Variants in PCNT observed in about 807,000 individuals in gnomAD.
PCNT encodes kendrin.
Under a neutral mutation model 380.4 loss-of-function variants are expected in PCNT, and 319 were observed. The observed-to-expected ratio is 0.84, with a 90% CI of 0.77 to 0.92. The LOEUF (loss-of-function observed/expected upper bound fraction) is 0.92. PCNT is among the 40% of genes least tolerant of loss of function. The probability of loss-of-function intolerance (pLI) is 0.00; values close to 1 mark genes in which losing one functional copy is unlikely to be tolerated. For missense variants in PCNT, 4,400 were observed against 4,255.3 expected (o/e 1.03, Z -0.95); for synonymous variants, 1,845 against 1,735.2 (o/e 1.06, Z -1.57).
chr21:46,370,952 G>A (rs1175856368), intron 15 of PCNT, among the ~76,000 whole-genome samples: 1 of 152,144 alleles, frequency 6.6e-6, no homozygotes, highest in African/African-American at 2.4e-5. Context: ...GGAGAGTGGT[G>A]TGAACCCGGG....
Position 46,432,089 on chromosome 21 carries a change from A to T in PCNT, c.8625A>T (p.Leu2875Phe). 1 of 1,614,150 alleles carries T rather than the reference A, an allele frequency of 6.2e-7. No homozygotes were observed. Among genetic ancestry groups the T allele is most frequent in the Non-Finnish European group, 8.5e-7 (1 of 1,180,048 alleles). Residue 2875 changes from leucine (L) to phenylalanine (F), a missense_variant, in exon 38 of 47, where the codon TTA becomes TTT. Transcript: ENST00000359568. ...REKPAWLQAE[L>F]EQSHPRLKEQ... ...AACCAGCGTGGTTGCAGGCAGAATT[A>T]GAGCAGTCACACCCACGGTTGAAAG...
intron 15 of PCNT, among the ~76,000 whole-genome samples, chr21:46,375,411 C>G (rs1186063966): frequency 6.6e-6 from 1 of 152,218 alleles, no homozygotes; most frequent in Non-Finnish European, 1.5e-5. Context: ...GTGCATGCCA[C>G]TTACTTATGA....
chr21:46,381,287 T>C (rs192741293), intron 15 of PCNT, among the ~76,000 whole-genome samples: 38 of 151,578 alleles, frequency 2.5e-4, no homozygotes, highest in African/African-American at 8.9e-4. Flanking sequence ...GGTTTTGTTA[T>C]TTAGAAAGAA....
In PCNT at chr21:46,372,576, G is replaced by T. The variant is rs77289847; in HGVS notation, c.3165+5437G>T. On this transcript the variant is annotated intron_variant, in intron 15 of 46. Coordinates refer to ENST00000359568, the MANE Select transcript of PCNT (RefSeq NM_006031.6). ...ATTGATAATTTATTTGAAGCATTAT[G>T]TGCAAATTTTAGGTGATTATGGTAC... Among the ~76,000 whole-genome samples, 764 of 152,314 alleles carry T rather than the reference G, an allele frequency of 5.0e-3. 5 individuals carry two copies. Among genetic ancestry groups the T allele is most frequent in the African/African-American group, 0.018 (739 of 41,566 alleles).
At chr21:46,375,674 C>G (rs1478937703) in intron 15 of PCNT, among the ~76,000 whole-genome samples, 1 of 152,150 alleles carries the variant, frequency 6.6e-6, no homozygotes, top group African/African-American at 2.4e-5. Context: ...GAGCCGAGGC[C>G]CTGGGCCTGA....
chr21:46,381,687 T>A lies in PCNT; in HGVS notation c.3166-7T>A. ...CTGGTATTTTTTATTGTTATTGATG[T>A]GTACAGGGTGAATTTGGAAGTGAAA... On this transcript the variant is annotated splice_region_variant and splice_polypyrimidine_tract_variant and intron_variant, in intron 15 of 46. Coordinates refer to ENST00000359568, the MANE Select transcript of PCNT (RefSeq NM_006031.6). The A allele has an allele frequency of 1.9e-6, 3 of 1,612,182 alleles. No homozygotes were observed. Among genetic ancestry groups the A allele is most frequent in the Non-Finnish European group, 2.5e-6 (3 of 1,178,204 alleles).
At chr21:46,422,919 A>C (rs117450470) in intron 32 of PCNT, among the ~76,000 whole-genome samples, 9 of 152,140 alleles carry the variant, frequency 5.9e-5, no homozygotes, top group Admixed American at 5.2e-4. Flanking sequence ...CCATGACGTT[A>C]AGTGAGGACT....
At chr21:46,402,666 T>C (rs2086468484) in intron 27 of PCNT, among the ~76,000 whole-genome samples, 183 bp downstream of exon 27, 1 of 152,122 alleles carries the variant, frequency 6.6e-6, no homozygotes, top group Non-Finnish European at 1.5e-5. Flanking sequence ...GAAGCAGCTT[T>C]CTAGGGATCT....
In PCNT at chr21:46,349,000, C is replaced by A. The variant is rs762143921; in HGVS notation, c.1033-12C>A. 1.3e-6 allele frequency: 2 copies of A among 1,504,308 alleles called. No individual in the cohort carries two copies. The highest frequency in any genetic ancestry group is 1.1e-5 in the South Asian group (1 of 86,978). 93.2% of individuals were successfully genotyped at this position (1,504,308 alleles called of 1,614,324 possible). A position where few individuals can be genotyped will look rare whatever the true frequency, so the allele number is the denominator to read the frequency against. On this transcript the variant is annotated splice_polypyrimidine_tract_variant and intron_variant, in intron 6 of 46. Coordinates refer to ENST00000359568, the MANE Select transcript of PCNT (RefSeq NM_006031.6). The stretch of plus-strand genomic sequence containing the variant: ...CAACTATTGAGTTTAATTTTTTTTT[C>A]TTTTAAATTAGACCCTGAAGGAAGA...
intron 20 of PCNT, 59 bp from the exon 21 acceptor site, chr21:46,391,105 G>A: frequency 6.8e-7 from 1 of 1,473,670 alleles, no homozygotes; most frequent in Non-Finnish European, 9.3e-7. Context: ...CCTCCAAGCA[G>A]GCTCTCCTCA....
chr21:46,371,013 C>T (rs760311891), intron 15 of PCNT, among the ~76,000 whole-genome samples: 5 of 151,724 alleles, frequency 3.3e-5, no homozygotes, highest in Admixed American at 6.6e-5. Context: ...CCAGCCTGGG[C>T]GACAGAGCGA....
rs141538008 is a variant in PCNT, at chr21:46,359,273, C to T, written c.2154+2082C>T. 2.3e-3 allele frequency among the ~76,000 whole-genome samples: 331 copies of T among 145,316 alleles called. 31 individuals are homozygous for T. Among genetic ancestry groups the T allele is most frequent in the African/African-American group, 7.7e-3 (304 of 39,506 alleles). On this transcript the variant is annotated intron_variant, in intron 13 of 46. Coordinates refer to ENST00000359568, the MANE Select transcript of PCNT (RefSeq NM_006031.6). Reference sequence around the variant, plus strand: ...TGGCTCCAGGTGACTTTTTGATGCTCATGTCTTTATGCTTTTCACAGGCCA... The same window carrying T: ...TGGCTCCAGGTGACTTTTTGATGCTTATGTCTTTATGCTTTTCACAGGCCA...
At position 46,398,150 on chromosome 21, in the gene PCNT, A is replaced by C; in HGVS notation, c.4563+20A>C. On this transcript the variant is annotated intron_variant, in intron 23 of 46. Coordinates refer to ENST00000359568, the MANE Select transcript of PCNT (RefSeq NM_006031.6). ...AGCCAGGTGAGTCAGTGCAGCGTGC[A>C]GTGCTGCTGGTTGCTGTCTTTCACT... 1.9e-6 allele frequency: 3 copies of C among 1,605,096 alleles called. No individual in the cohort carries two copies. The highest frequency in any genetic ancestry group is 2.6e-6 in the Non-Finnish European group (3 of 1,175,192).
intron 27 of PCNT, among the ~76,000 whole-genome samples, chr21:46,403,511 C>T (rs2086509787): frequency 9.8e-6 from 1 of 102,136 alleles, no homozygotes; most frequent in Admixed American, 1.1e-4. Context: ...GTGTGTGGTG[C>T]CCACGCGGCG....
At chr21:46,331,688 C>G (rs1473314696) in intron 2 of PCNT, among the ~76,000 whole-genome samples, 1 of 152,104 alleles carries the variant, frequency 6.6e-6, no homozygotes, top group East Asian at 1.9e-4. Flanking sequence ...ATCACCTGCG[C>G]CCAGGAGTTT....
At chr21:46,431,483 T>C in intron 37 of PCNT, 46 bp from the exon 38 acceptor site, 3 of 1,613,598 alleles carry the variant, frequency 1.9e-6, no homozygotes, top group Non-Finnish European at 2.5e-6. Context: ...TGTAGACACT[T>C]TTCCTCTTGA....
chr21:46,444,901 T>C, intron 46 of PCNT, 80 bp downstream of exon 46: 2 of 1,347,254 alleles, frequency 1.5e-6, no homozygotes, highest in Non-Finnish European at 2.1e-6. Flanking sequence ...GAAAGATGGC[T>C]GGTATTCAGC....
intron 29 of PCNT, among the ~76,000 whole-genome samples, chr21:46,413,360 A>G (rs1602014949): frequency 5.8e-5 from 5 of 85,772 alleles, no homozygotes; most frequent in African/African-American, 9.9e-5. Context: ...AGGTGTGGGG[A>G]GGGGGGAAGG....
rs1234804488 is a variant in PCNT, at chr21:46,397,456, C to G, written c.4408C>G (p.Leu1470Val). ...TGCCCTGGAACAGCAGGTGGCATCT[C>G]TGGACAAGCATTTGCGCAACCAGCG... is the stretch of plus-strand genomic sequence containing the variant. The part of the protein sequence containing the change: ...VTALEQQVAS[L>V]DKHLRNQRQF... The change falls in exon 22 of 47, where the codon CTG (leucine) becomes GTG (valine). Residue 1470 changes from leucine to valine, a missense_variant. By Grantham distance (32) the Leu-to-Val change is conservative (BLOSUM62 1). Coordinates refer to ENST00000359568, the MANE Select transcript of PCNT (RefSeq NM_006031.6). The G allele has an allele frequency of 1.9e-6, 3 of 1,614,188 alleles. No homozygotes were observed. Among genetic ancestry groups the G allele is most frequent in the Non-Finnish European group, 2.5e-6 (3 of 1,180,034 alleles).
Sources: allele counts gnomAD v4.1 joint callset (sites outside exome capture counted in the v4.1 genomes callset), GRCh38; gene constraint gnomAD v4.1.1; transcripts MANE v1.5; gene names NCBI Gene and HGNC (gene_info 2026-07-23, HGNC 2026-07-21).